Variants in THSD7B observed in about 807,000 individuals in gnomAD.
THSD7B encodes the protein thrombospondin type 1 domain containing 7B, also known as thrombospondin type-1 domain-containing protein 7B.
In THSD7B, 138 loss-of-function variants were observed where a neutral mutation model predicts 213.6. The observed-to-expected ratio is 0.65, with a 90% CI of 0.56 to 0.74. The LOEUF is 0.74. THSD7B is among the 30% of genes least tolerant of loss of function. The pLI is 0.00. For synonymous variants in THSD7B, 742 were observed against 687.0 expected (o/e 1.08, Z -1.25); for missense variants, 1,931 against 1,991.5 (o/e 0.97, Z 0.58).
rs2104876989 is a variant in THSD7B at position 137,056,771 on chromosome 2, T to C, written c.491T>C (p.Leu164Pro). 1.2e-6 allele frequency: 2 copies of C among 1,613,988 alleles called. No individual in the cohort carries two copies. Among genetic ancestry groups the C allele is most frequent in the Middle Eastern group, 1.6e-4 (1 of 6,062 alleles). The change falls in exon 3 of 28, where the codon CTT (leucine) becomes CCT (proline). Residue 164 changes from leucine to proline, a missense_variant. Transcript: ENST00000409968. ...AATGAAATATGCGAACACTTTGCCC[T>C]TCAGCCTCCTACAGAACAGGCTTGC... The part of the protein sequence containing the change: ...VANEICEHFA[L>P]QPPTEQACLI...
At chr2:137,278,014 A>G (rs560095361) in intron 12 of THSD7B, among the ~76,000 whole-genome samples, 26 of 152,204 alleles carry the variant, frequency 1.7e-4, no homozygotes, top group African/African-American at 5.8e-4. Context: ...GACTCTGGAC[A>G]ATAAGCAGAG....
At chr2:136,877,813 G>A (rs1683548212) in intron 1 of THSD7B, among the ~76,000 whole-genome samples, 1 of 152,048 alleles carries the variant, frequency 6.6e-6, no homozygotes, top group Non-Finnish European at 1.5e-5. Context: ...TGGGAGCAGG[G>A]CAATGTCTTT....
intron 2 of THSD7B, among the ~76,000 whole-genome samples, chr2:136,892,089 C>A (rs1006498957): frequency 1.3e-5 from 2 of 152,114 alleles, no homozygotes; most frequent in Non-Finnish European, 2.9e-5. Context: ...CAGCCGGGAT[C>A]CTTACATAGG....
chr2:137,045,449 G>A (rs1686953128), intron 2 of THSD7B, among the ~76,000 whole-genome samples: 1 of 152,138 alleles, frequency 6.6e-6, no homozygotes, highest in Admixed American at 6.5e-5. Context: ...ACATCCCCAG[G>A]CAGAAACATA....
At chr2:137,148,182 C>T (rs1258259209) in intron 5 of THSD7B, among the ~76,000 whole-genome samples, 3 of 152,020 alleles carry the variant, frequency 2.0e-5, no homozygotes, top group Non-Finnish European at 4.4e-5. Flanking sequence ...AAGGACTTTT[C>T]CCCCTCTCTG....
intron 12 of THSD7B, among the ~76,000 whole-genome samples, chr2:137,363,719 C>T (rs202237800): frequency 6.6e-6 from 1 of 152,188 alleles, no homozygotes; most frequent in Admixed American, 6.5e-5. Flanking sequence ...AGACCAATAA[C>T]AGGCTCTGAA....
chr2:137,331,517 A>G (rs1042651341), intron 12 of THSD7B, among the ~76,000 whole-genome samples: 2 of 152,218 alleles, frequency 1.3e-5, no homozygotes, highest in African/African-American at 4.8e-5. Flanking sequence ...CCACGTCCCC[A>G]CCAGACTCAG....
chr2:137,310,998 G>A (rs888580925), intron 12 of THSD7B, among the ~76,000 whole-genome samples: 4 of 150,530 alleles, frequency 2.7e-5, no homozygotes, highest in African/African-American at 9.8e-5. Flanking sequence ...GCTCTTTTTT[G>A]CTTCCATATG....
intron 12 of THSD7B, among the ~76,000 whole-genome samples, chr2:137,390,238 T>A (rs1324089585): frequency 6.6e-6 from 1 of 152,158 alleles, no homozygotes; most frequent in African/African-American, 2.4e-5. Context: ...TGTTTTATAG[T>A]TTTTCTTATA....
At position 137,411,906 on chromosome 2, in the gene THSD7B, C is replaced by T. The variant is rs1161136673; in HGVS notation, c.2959+34C>T. 3.1e-6 allele frequency: 5 copies of T among 1,607,262 alleles called. No homozygotes were observed. The African/African-American group carries it at 6.7e-5, about 21-fold the overall frequency. Reference sequence around the variant, plus strand: ...ATGGATGGAGAGTAACAGATGAGAACACTCACACACAGCTCGGGAGGTTTG... The same window carrying T: ...ATGGATGGAGAGTAACAGATGAGAATACTCACACACAGCTCGGGAGGTTTG... On this transcript the variant is annotated intron_variant, in intron 14 of 27. Transcript: ENST00000409968.
At chr2:137,059,277 A>G (rs1687226454) in intron 3 of THSD7B, among the ~76,000 whole-genome samples, 1 of 152,186 alleles carries the variant, frequency 6.6e-6, no homozygotes, top group Admixed American at 6.5e-5. Flanking sequence ...CCCATATTCA[A>G]AATGGAGGTT....
intron 21 of THSD7B, among the ~76,000 whole-genome samples, chr2:137,648,801 T>G (rs1683085339): frequency 6.6e-6 from 1 of 152,014 alleles, no homozygotes; most frequent in Admixed American, 6.6e-5. Flanking sequence ...GTAGAATTTC[T>G]GTATATGGTA....
intron 12 of THSD7B, among the ~76,000 whole-genome samples, chr2:137,361,880 G>C (rs1227660228): frequency 6.6e-6 from 1 of 152,018 alleles, no homozygotes; most frequent in Non-Finnish European, 1.5e-5. Context: ...GAAATACAGA[G>C]AACACCACAA....
At chr2:137,655,764 A>T in intron 22 of THSD7B, 104 bp downstream of exon 22, 1 of 1,293,040 alleles carries the variant, frequency 7.7e-7, no homozygotes, top group South Asian at 1.7e-5. Context: ...TAAAGTTTTT[A>T]AATAACTTTA....
intron 15 of THSD7B, among the ~76,000 whole-genome samples, chr2:137,455,668 G>T (rs540192724): frequency 3.5e-4 from 53 of 152,266 alleles, no homozygotes; most frequent in African/African-American, 1.1e-3. Flanking sequence ...CTTGTCCAAA[G>T]CTCTTATCAA....
At chr2:137,376,550 C>T (rs1034095936) in intron 12 of THSD7B, among the ~76,000 whole-genome samples, 15 of 152,094 alleles carry the variant, frequency 9.9e-5, no homozygotes, top group Non-Finnish European at 1.8e-4. Flanking sequence ...GTAAATACTG[C>T]CATATTCCTT....
At chr2:137,499,915 G>A (rs1679661212) in intron 15 of THSD7B, among the ~76,000 whole-genome samples, 1 of 152,152 alleles carries the variant, frequency 6.6e-6, no homozygotes, top group Non-Finnish European at 1.5e-5. Flanking sequence ...GGAGCATATT[G>A]AAACTATATA....
In THSD7B at chr2:137,331,923, G is replaced by A. The variant is rs188445938; in HGVS notation, c.2500+55897G>A. 4.3e-3 allele frequency among the ~76,000 whole-genome samples: 658 copies of A among 152,146 alleles called. 1 individual carries two copies. Among genetic ancestry groups the A allele is most frequent in the African/African-American group, 0.015 (607 of 41,532 alleles). On this transcript the variant is annotated intron_variant, in intron 12 of 27. Transcript: ENST00000409968. Reference sequence around the variant, plus strand: ...CCAAGTGCGGGCCCGCCAAGCCCACGCCCACCCGGAATTCCAGCTGGCCCA... The same window carrying A: ...CCAAGTGCGGGCCCGCCAAGCCCACACCCACCCGGAATTCCAGCTGGCCCA...
chr2:136,866,697 G>A (rs1489171399), intron 1 of THSD7B, among the ~76,000 whole-genome samples: 1 of 152,168 alleles, frequency 6.6e-6, no homozygotes, highest in Non-Finnish European at 1.5e-5. Flanking sequence ...ACGCAGAAAA[G>A]CGTTCCTACC....
Sources: allele counts gnomAD v4.1 joint callset (sites outside exome capture counted in the v4.1 genomes callset), GRCh38; gene constraint gnomAD v4.1.1; transcripts MANE v1.5; gene names NCBI Gene and HGNC (gene_info 2026-07-23, HGNC 2026-07-21).